LPAR1: variants seen among roughly 807,000 people sequenced by gnomAD.
LPAR1 encodes lysophosphatidic acid receptor 1, also known as LPA receptor 1.
LPAR1 carries 5 observed loss-of-function variants against 23.8 expected under a neutral mutation model. That is an observed-to-expected ratio of 0.21 (90% CI 0.11 to 0.44). The LOEUF (loss-of-function observed/expected upper bound fraction) is 0.44, where lower values mean the gene tolerates loss of function less well. LPAR1 is among the 20% of genes least tolerant of loss of function. The pLI, the probability that LPAR1 is intolerant of heterozygous loss-of-function variation, is 0.99. For missense variants in LPAR1, 311 were observed against 482.8 expected (o/e 0.64, Z 3.33); for synonymous variants, 160 against 164.7 (o/e 0.97, Z 0.22).
intron 5 of LPAR1, among the ~76,000 whole-genome samples, chr9:110,910,137 G>A (rs1348331664): frequency 6.6e-6 from 1 of 152,150 alleles, no homozygotes; most frequent in Non-Finnish European, 1.5e-5. Flanking sequence ...TTCATAGCTG[G>A]AGAGGAAAAG....
chr9:110,892,667 A>G lies in LPAR1; in HGVS notation c.794-16945T>C, dbSNP rs10980618. Among the ~76,000 whole-genome samples the G allele has an allele frequency of 3.5e-5, 5 of 144,880 alleles. No individual in the cohort carries two copies. The East Asian group carries it at 8.3e-4, about 24-fold the overall frequency. On this transcript the variant is annotated intron_variant, in intron 5 of 5. Coordinates refer to ENST00000683809, the MANE Select transcript of LPAR1 (RefSeq NM_001351411.2). ...TGACAGAGTGAGAAAGAAAGAAAGA[A>G]AGAGAGAGAGAGGGGGAAGGGAGGG...
intron 5 of LPAR1, among the ~76,000 whole-genome samples, chr9:110,896,792 T>TC (rs2086502300): frequency 6.7e-6 from 1 of 149,992 alleles, no homozygotes; most frequent in Admixed American, 6.6e-5. Context: ...GAAATCTTTT[T>TC]TTTTTTTTTT....
At chr9:111,004,605 C>T (rs2097181862) in intron 2 of LPAR1, among the ~76,000 whole-genome samples, 1 of 152,168 alleles carries the variant, frequency 6.6e-6, no homozygotes, top group South Asian at 2.1e-4. Context: ...GCCCTACTCA[C>T]AACACCATGC....
intron 2 of LPAR1, among the ~76,000 whole-genome samples, chr9:111,012,550 T>G (rs1251663003): frequency 6.6e-6 from 1 of 152,028 alleles, no homozygotes; most frequent in Non-Finnish European, 1.5e-5. Context: ...TGGGTTGGTC[T>G]CAGTTGATGG....
chr9:111,030,133 T>C (rs1056271333), intron 2 of LPAR1, among the ~76,000 whole-genome samples: 1 of 150,714 alleles, frequency 6.6e-6, no homozygotes, highest in Non-Finnish European at 1.5e-5. Context: ...TGCATGAAAC[T>C]AAACTGACAG....
At chr9:110,989,486 AAAGT>A (rs1485476268) in intron 2 of LPAR1, among the ~76,000 whole-genome samples, 5 of 152,218 alleles carry the variant, frequency 3.3e-5, no homozygotes, top group African/African-American at 1.2e-4. Flanking sequence ...GCAGGGGAGT[AAAGT>A]AAGTATACTG....
chr9:111,027,996 T>C (rs779892067), intron 2 of LPAR1, among the ~76,000 whole-genome samples: 17 of 151,900 alleles, frequency 1.1e-4, no homozygotes, highest in Middle Eastern at 3.4e-3. Context: ...GACTAATATG[T>C]AGTCATTAGA....
chr9:110,942,285 T>A, intron 4 of LPAR1, 117 bp from the exon 5 acceptor site: 1 of 818,130 alleles, frequency 1.2e-6, no homozygotes, highest in Non-Finnish European at 1.9e-6. Context: ...AGCAAATAAT[T>A]TGAACATTTG....
chr9:110,924,331 A>G (rs576417240), intron 5 of LPAR1, among the ~76,000 whole-genome samples: 1 of 152,242 alleles, frequency 6.6e-6, no homozygotes, highest in African/African-American at 2.4e-5. Context: ...ACTTTCAAAG[A>G]TTACTTAATG....
chr9:110,886,530 A>G (rs753954712), intron 5 of LPAR1, among the ~76,000 whole-genome samples: 3 of 152,070 alleles, frequency 2.0e-5, no homozygotes, highest in Non-Finnish European at 2.9e-5. Flanking sequence ...AACTATATAT[A>G]TACACATATG....
At chr9:111,023,626 C>T (rs1318101507) in intron 2 of LPAR1, among the ~76,000 whole-genome samples, 4 of 152,024 alleles carry the variant, frequency 2.6e-5, no homozygotes, top group African/African-American at 4.8e-5. Context: ...GCAAAATAAC[C>T]GATACTGTAT....
chr9:110,965,148 G>A (rs1047902827), intron 4 of LPAR1, among the ~76,000 whole-genome samples: 1 of 152,066 alleles, frequency 6.6e-6, no homozygotes, highest in African/African-American at 2.4e-5. Flanking sequence ...GATTATAGGT[G>A]TGAGCCACAG....
intron 4 of LPAR1, among the ~76,000 whole-genome samples, chr9:110,960,120 A>G (rs191688435): frequency 4.8e-4 from 73 of 152,282 alleles, no homozygotes; most frequent in Non-Finnish European, 8.4e-4. Context: ...ACGAAAATGT[A>G]TGGTATATTT....
intron 1 of LPAR1, chr9:111,037,797 G>C (rs1317924413): frequency 6.6e-6 from 1 of 152,138 alleles, no homozygotes; most frequent in Non-Finnish European, 1.5e-5. Context: ...CAGGTAACCG[G>C]AGGCCACCTA....
chr9:110,885,440 G>A (rs1377663878), intron 5 of LPAR1, among the ~76,000 whole-genome samples: 2 of 152,188 alleles, frequency 1.3e-5, no homozygotes, highest in Non-Finnish European at 2.9e-5. Flanking sequence ...ATTACATGGG[G>A]AGAGATGTGT....
chr9:111,034,971 G>GT (rs2097864704), intron 2 of LPAR1, among the ~76,000 whole-genome samples: 1 of 152,024 alleles, frequency 6.6e-6, no homozygotes, highest in Admixed American at 6.5e-5. Flanking sequence ...GAATCAAAAC[G>GT]TAATTCTCCA....
At chr9:110,963,505 G>C (rs2096077680) in intron 4 of LPAR1, among the ~76,000 whole-genome samples, 1 of 152,154 alleles carries the variant, frequency 6.6e-6, no homozygotes, top group Non-Finnish European at 1.5e-5. Flanking sequence ...CAGACCATAT[G>C]TAGTGGTTAC....
At chr9:110,896,038 G>C (rs957078392) in intron 5 of LPAR1, among the ~76,000 whole-genome samples, 1 of 152,124 alleles carries the variant, frequency 6.6e-6, no homozygotes, top group Non-Finnish European at 1.5e-5. Flanking sequence ...GATGTAAGCT[G>C]GGTCAATTCC....
At chr9:110,927,235 CT>C (rs11439216) in intron 5 of LPAR1, among the ~76,000 whole-genome samples, 10 of 149,404 alleles carry the variant, frequency 6.7e-5, no homozygotes, top group Admixed American at 1.3e-4. Context: ...GCATTCCACA[CT>C]TTTTTTTTTT....
Sources: gnomAD v4.1 joint callset for allele counts (sites outside exome capture counted in the v4.1 genomes callset) on GRCh38, gnomAD v4.1.1 for gene constraint, MANE v1.5 for transcripts, NCBI Gene and HGNC (gene_info 2026-07-23, HGNC 2026-07-21) for gene names.